Variants in ADCY2 observed in about 807,000 individuals in gnomAD.
ADCY2 encodes adenylate cyclase type 2.
ADCY2 carries 31 observed loss-of-function variants against 125.2 expected under a neutral mutation model. The ratio of observed to expected loss-of-function variants is 0.25; its 90% CI spans 0.19 to 0.33. The LOEUF (loss-of-function observed/expected upper bound fraction) is 0.33, where lower values mean the gene tolerates loss of function less well. ADCY2 is among the 10% of genes least tolerant of loss of function. The probability of loss-of-function intolerance (pLI) is 1.00; values close to 1 mark genes in which losing one functional copy is unlikely to be tolerated. For missense variants in ADCY2, 904 were observed against 1,418.2 expected (o/e 0.64, Z 5.82); for synonymous variants, 512 against 548.4 (o/e 0.93, Z 0.93).
chr5:7,690,626 A>T (rs1479750680), intron 4 of ADCY2, 65 bp from the exon 5 acceptor site: 1 of 1,368,834 alleles, frequency 7.3e-7, no homozygotes, highest in East Asian at 2.7e-5. Flanking sequence ...AGGATCTCCA[A>T]TGTTATTTGG....
chr5:7,483,760 T>C (rs1000516260), intron 2 of ADCY2, among the ~76,000 whole-genome samples: 4 of 152,192 alleles, frequency 2.6e-5, no homozygotes, highest in Non-Finnish European at 5.9e-5. Flanking sequence ...CCTCCTCTCC[T>C]TCCTCCTATG....
At chr5:7,783,958 A>T in intron 18 of ADCY2, among the ~76,000 whole-genome samples, 1 of 152,232 alleles carries the variant, frequency 6.6e-6, no homozygotes, top group East Asian at 1.9e-4. Flanking sequence ...GCAGAAATTA[A>T]GTTCCCTGCT....
chr5:7,618,979 G>A (rs1737857461), intron 3 of ADCY2, among the ~76,000 whole-genome samples: 1 of 152,202 alleles, frequency 6.6e-6, no homozygotes, highest in Admixed American at 6.5e-5. Context: ...GGTTTGGGAA[G>A]ACACAGAGAC....
chr5:7,527,763 T>A (rs1734523908), intron 3 of ADCY2, among the ~76,000 whole-genome samples: 1 of 152,222 alleles, frequency 6.6e-6, no homozygotes, highest in South Asian at 2.1e-4. Context: ...AAGTGTGTAA[T>A]CAATAGCAAT....
chr5:7,513,801 G>A (rs2126523339), intron 2 of ADCY2, among the ~76,000 whole-genome samples: 1 of 152,270 alleles, frequency 6.6e-6, no homozygotes, highest in South Asian at 2.1e-4. Context: ...TGAAAATTAA[G>A]TTACTACTGT....
At chr5:7,507,358 G>T (rs1471837448) in intron 2 of ADCY2, among the ~76,000 whole-genome samples, 2 of 134,396 alleles carry the variant, frequency 1.5e-5, no homozygotes, top group South Asian at 2.5e-4. Context: ...GGAGAATGGC[G>T]TGAACCCGGG....
At chr5:7,764,400 A>G (rs993650303) in intron 16 of ADCY2, among the ~76,000 whole-genome samples, 4 of 152,234 alleles carry the variant, frequency 2.6e-5, no homozygotes, top group Non-Finnish European at 5.9e-5. Flanking sequence ...TAAGTAAAGC[A>G]TATATAAATC....
intron 4 of ADCY2, among the ~76,000 whole-genome samples, chr5:7,662,549 T>C (rs1739569338): frequency 6.6e-6 from 1 of 152,196 alleles, no homozygotes; most frequent in Non-Finnish European, 1.5e-5. Context: ...AGCACTGCCT[T>C]CAGTTCTATT....
intron 18 of ADCY2, among the ~76,000 whole-genome samples, chr5:7,775,703 A>T (rs779710867): frequency 5.3e-5 from 8 of 152,172 alleles, no homozygotes; most frequent in Non-Finnish European, 1.2e-4. Flanking sequence ...AGTTATTTTT[A>T]AATGTACAAT....
At chr5:7,636,719 G>A (rs1262104908) in intron 4 of ADCY2, among the ~76,000 whole-genome samples, 1 of 152,220 alleles carries the variant, frequency 6.6e-6, no homozygotes, top group East Asian at 1.9e-4. Context: ...AGAGAAGAAG[G>A]TATAAGTGGG....
At chr5:7,555,851 A>AGT (rs975652954) in intron 3 of ADCY2, among the ~76,000 whole-genome samples, 1 of 128,738 alleles carries the variant, frequency 7.8e-6, no homozygotes, top group Admixed American at 8.3e-5. Context: ...GACACATGTG[A>AGT]GCGCACACAC....
chr5:7,755,350 G>T (rs933976358), intron 15 of ADCY2, among the ~76,000 whole-genome samples: 1 of 152,106 alleles, frequency 6.6e-6, no homozygotes, highest in Non-Finnish European at 1.5e-5. Flanking sequence ...CCTCAGGGGG[G>T]CATGTGCGCT....
chr5:7,433,405 A>G (rs6555464), intron 2 of ADCY2, among the ~76,000 whole-genome samples: 123,591 of 152,128 alleles, frequency 0.81, 50,734 homozygotes, highest in African/African-American at 0.88. Flanking sequence ...TAAAAAAACC[A>G]TACATGGTTT....
intron 3 of ADCY2, among the ~76,000 whole-genome samples, chr5:7,572,842 A>G (rs1736106843): frequency 6.6e-6 from 1 of 152,120 alleles, no homozygotes; most frequent in Non-Finnish European, 1.5e-5. Context: ...TTTCAATCTT[A>G]TGCATATGAG....
chr5:7,407,105 C>G (rs898369468), intron 1 of ADCY2, among the ~76,000 whole-genome samples: 5 of 152,294 alleles, frequency 3.3e-5, no homozygotes, highest in African/African-American at 1.2e-4. Context: ...CAGTGGTGGA[C>G]GTCGCAGATT....
chr5:7,775,175 T>TTGTGTGTGTG (rs200142910), intron 18 of ADCY2, among the ~76,000 whole-genome samples: 167 of 146,260 alleles, frequency 1.1e-3, no homozygotes, highest in Middle Eastern at 3.6e-3. Flanking sequence ...CCCAGCTACT[T>TTGTGTGTGTG]TGTGTGTGTG....
intron 4 of ADCY2, among the ~76,000 whole-genome samples, chr5:7,635,996 T>G: frequency 6.6e-6 from 1 of 152,172 alleles, no homozygotes; most frequent in African/African-American, 2.4e-5. Flanking sequence ...GTTTAGCCTG[T>G]GGCCAGGTGT....
chr5:7,479,810 T>TA, intron 2 of ADCY2, among the ~76,000 whole-genome samples: 1 of 152,322 alleles, frequency 6.6e-6, no homozygotes, highest in East Asian at 1.9e-4. Context: ...TCAATTGTTT[T>TA]AATTTTTAGT....
chr5:7,506,821 T>C (rs1301771387), intron 2 of ADCY2, among the ~76,000 whole-genome samples: 1 of 129,296 alleles, frequency 7.7e-6, no homozygotes, highest in Non-Finnish European at 1.6e-5. Flanking sequence ...TTTTTTTTGC[T>C]CTGTCACCCA....
Sources: gnomAD v4.1 joint callset for allele counts (sites outside exome capture counted in the v4.1 genomes callset) on GRCh38, gnomAD v4.1.1 for gene constraint, MANE v1.5 for transcripts, NCBI Gene and HGNC (gene_info 2026-07-23, HGNC 2026-07-21) for gene names.